RUNX2: variants seen among roughly 807,000 people sequenced by gnomAD.
RUNX2 encodes the protein RUNX family transcription factor 2.
A neutral mutation model predicts 51.7 loss-of-function variants in RUNX2; 10 were observed. The ratio of observed to expected loss-of-function variants is 0.19; its 90% confidence interval spans 0.12 to 0.33. The LOEUF (loss-of-function observed/expected upper bound fraction) is 0.33. Among genes scored for constraint, RUNX2 ranks in the 10% least tolerant of loss-of-function variants. RUNX2 has a pLI of 1.00. For synonymous variants in RUNX2, 276 were observed against 273.6 expected, an observed-to-expected ratio of 1.01 and a Z score of -0.09; for missense variants, 562 against 691.3, an observed-to-expected ratio of 0.81 and a Z score of 2.10.
intron 2 of RUNX2, among the ~76,000 whole-genome samples, chr6:45,401,978 G>A (rs1797720285): frequency 6.6e-6 from 1 of 152,224 alleles, no homozygotes; most frequent in South Asian, 2.1e-4. Context: ...GGGTTCTAGA[G>A]TTACTACTAG....
intron 2 of RUNX2, among the ~76,000 whole-genome samples, chr6:45,350,645 T>C (rs1791822031): frequency 1.3e-5 from 2 of 152,154 alleles, no homozygotes; most frequent in South Asian, 4.1e-4. Context: ...TTTCTAAAAA[T>C]AATTTCTGGC....
chr6:45,357,844 T>C (rs1040874759), intron 2 of RUNX2, among the ~76,000 whole-genome samples: 2 of 152,080 alleles, frequency 1.3e-5, no homozygotes, highest in African/African-American at 4.8e-5. Flanking sequence ...AATAATGAAG[T>C]GTAATACATT....
At chr6:45,510,415 A>C (rs968963511) in intron 6 of RUNX2, among the ~76,000 whole-genome samples, 14 of 152,200 alleles carry the variant, frequency 9.2e-5, no homozygotes, top group Non-Finnish European at 4.4e-5. Flanking sequence ...ATTTTGACTC[A>C]AGGAAGTATG....
At chr6:45,475,103 G>A (rs1222155059) in intron 5 of RUNX2, among the ~76,000 whole-genome samples, 3 of 146,670 alleles carry the variant, frequency 2.0e-5, no homozygotes, top group East Asian at 2.0e-4. Context: ...CAGCCTGGGC[G>A]ACAGAGTAAG....
chr6:45,517,921 G>A (rs1801382252), intron 7 of RUNX2, among the ~76,000 whole-genome samples: 2 of 152,078 alleles, frequency 1.3e-5, no homozygotes, highest in South Asian at 4.2e-4. Context: ...CAAGTCCACC[G>A]AGTCAAGTTC....
At chr6:45,487,767 A>G in intron 5 of RUNX2, among the ~76,000 whole-genome samples, 1 of 152,222 alleles carries the variant, frequency 6.6e-6, no homozygotes, top group Non-Finnish European at 1.5e-5. Context: ...TGTAGCAGGC[A>G]CTGAACTAGG....
At chr6:45,373,681 C>T (rs545891749) in intron 2 of RUNX2, among the ~76,000 whole-genome samples, 1 of 152,078 alleles carries the variant, frequency 6.6e-6, no homozygotes, top group East Asian at 1.9e-4. Flanking sequence ...CTCCTGAGTA[C>T]CTGGGACTAC....
intron 7 of RUNX2, among the ~76,000 whole-genome samples, chr6:45,535,093 C>T (rs548386639): frequency 2.0e-4 from 31 of 151,980 alleles, no homozygotes; most frequent in Non-Finnish European, 3.7e-4. Context: ...GCCTATTGGA[C>T]GGTGGAGGCT....
intron 5 of RUNX2, among the ~76,000 whole-genome samples, chr6:45,441,819 G>A (rs1224959152): frequency 1.3e-5 from 2 of 152,202 alleles, no homozygotes; most frequent in Non-Finnish European, 2.9e-5. Context: ...AAGTCCAAGA[G>A]CAGATGCTAT....
chr6:45,419,006 C>T (rs1798120543), intron 2 of RUNX2, among the ~76,000 whole-genome samples: 1 of 151,862 alleles, frequency 6.6e-6, no homozygotes, highest in African/African-American at 2.4e-5. Context: ...CCTTAAAATC[C>T]CCAACCACTG....
At chr6:45,348,924 C>G (rs562449030) in intron 2 of RUNX2, among the ~76,000 whole-genome samples, 1 of 152,176 alleles carries the variant, frequency 6.6e-6, no homozygotes, top group Non-Finnish European at 1.5e-5. Context: ...CTTCAGAGTC[C>G]TTATCACAAT....
At chr6:45,461,630 T>C (rs933456663) in intron 5 of RUNX2, among the ~76,000 whole-genome samples, 13 of 152,152 alleles carry the variant, frequency 8.5e-5, no homozygotes, top group Non-Finnish European at 1.6e-4. Context: ...CTATGTACCA[T>C]TGCTGTTCTT....
intron 2 of RUNX2, among the ~76,000 whole-genome samples, chr6:45,376,060 A>C (rs971469819): frequency 2.0e-5 from 3 of 152,246 alleles, no homozygotes; most frequent in Non-Finnish European, 2.9e-5. Flanking sequence ...AAAGTGGTAA[A>C]AGATAGCAGA....
chr6:45,531,247 T>A (rs943022748), intron 7 of RUNX2, among the ~76,000 whole-genome samples: 1 of 152,196 alleles, frequency 6.6e-6, no homozygotes, highest in African/African-American at 2.4e-5. Context: ...GGAATATTTG[T>A]TATCACTGAT....
rs140630136 is a variant in RUNX2, at chr6:45,479,765, C to T, written c.686-12176C>T. Among the ~76,000 whole-genome samples the T allele has an allele frequency of 1.6e-3, 251 of 152,228 alleles. 1 individual carries two copies. Among genetic ancestry groups the T allele is most frequent in the African/African-American group, 5.5e-3 (230 of 41,524 alleles). On this transcript the variant is annotated intron_variant, in intron 5 of 8. Transcript: ENST00000647337. ...AAAAAAGGTTTTAAATGTAATCGCT[C>T]GAAGGATGTTTTTTAATATTAACCC...
chr6:45,383,263 C>T (rs1051642954), intron 2 of RUNX2, among the ~76,000 whole-genome samples: 1 of 151,978 alleles, frequency 6.6e-6, no homozygotes, highest in African/African-American at 2.4e-5. Flanking sequence ...GAAACCTCAT[C>T]TCTACAAAAA....
In RUNX2 at chr6:45,548,454, T is replaced by G. The variant is rs1802469426; in HGVS notation, c.*1149T>G. 6.5e-6 allele frequency: 1 copy of G among 152,682 alleles called. No homozygotes were observed. Among genetic ancestry groups the G allele is most frequent in the Non-Finnish European group, 1.5e-5 (1 of 68,048 alleles). The allele number at this position is 152,682 out of a possible 1,614,324, so 9.5% of individuals were successfully genotyped here. On this transcript the variant is annotated 3_prime_UTR_variant, in exon 9 of 9. Transcript: ENST00000647337. ...ATGAAGGAAATGTTATGTTTAGTTC[T>G]TTCAGATCTTTGAATGCCTCTAACA...
intron 2 of RUNX2, among the ~76,000 whole-genome samples, chr6:45,340,090 T>C (rs1311478097): frequency 6.6e-6 from 1 of 152,160 alleles, no homozygotes. Context: ...GTGTTATACA[T>C]GATCTAAATG....
intron 2 of RUNX2, among the ~76,000 whole-genome samples, chr6:45,335,515 T>C (rs1788371275): frequency 6.6e-6 from 1 of 151,306 alleles, no homozygotes; most frequent in African/African-American, 2.4e-5. Flanking sequence ...CTCATTAAAA[T>C]ACATTTTTTT....
Sources: allele counts gnomAD v4.1 joint callset (sites outside exome capture counted in the v4.1 genomes callset), GRCh38; gene constraint gnomAD v4.1.1; transcripts MANE v1.5; gene names NCBI Gene and HGNC (gene_info 2026-07-23, HGNC 2026-07-21).